The following ELAPOR1 variants were observed in gnomAD, a reference collection of about 807,000 sequenced individuals.
ELAPOR1 encodes endosome/lysosome-associated apoptosis and autophagy regulator 1.
A neutral mutation model predicts 119.7 loss-of-function variants in ELAPOR1; 77 were observed. The observed-to-expected ratio is 0.64, with a 90% confidence interval of 0.54 to 0.78. The LOEUF is 0.78. Ranked by LOEUF, ELAPOR1 falls within the 30% of genes least tolerant of loss-of-function variation. The pLI is 0.00. For missense variants in ELAPOR1, 1,115 were observed against 1,270.4 expected (o/e 0.88, Z 1.86); for synonymous variants, 481 against 487.2 (o/e 0.99, Z 0.17).
At chr1:109,201,037 TCTGAAAATC>T (rs1223883460) in intron 21 of ELAPOR1, 137 bp downstream of exon 21, 4 of 844,516 alleles carry the variant, frequency 4.7e-6, no homozygotes, top group Non-Finnish European at 7.2e-6. Context: ...ATTTCCCCAC[TCTGAAAATC>T]CTGCCTTCTC....
intron 3 of ELAPOR1, among the ~76,000 whole-genome samples, chr1:109,165,601 G>GAAAAAC (rs1428389194): frequency 6.9e-6 from 1 of 145,578 alleles, no homozygotes; most frequent in Non-Finnish European, 1.5e-5. Context: ...AAAAAAAAAA[G>GAAAAAC]AAAAACAAAA....
In ELAPOR1 at chr1:109,204,801, G is replaced by A. The variant is rs1654393270; in HGVS notation, c.*1789G>A. 1 of 152,286 alleles carries A rather than the reference G, an allele frequency of 6.6e-6. No individual in the cohort carries two copies. The highest frequency in any genetic ancestry group is 1.5e-5 in the Non-Finnish European group (1 of 68,098). 9.4% of individuals were successfully genotyped at this position (152,286 alleles called of 1,614,324 possible). A position where few individuals can be genotyped will look rare whatever the true frequency, so the allele number is the denominator to read the frequency against. ...AGATTTTCACTGGGCCCAGCATGGT[G>A]GCTCACACCTGTAATCCCAAGGCAG... is the stretch of plus-strand genomic sequence containing the variant. On this transcript the variant is annotated 3_prime_UTR_variant, in exon 22 of 22. Coordinates refer to ENST00000369939, the MANE Select transcript of ELAPOR1 (RefSeq NM_020775.5).
intron 16 of ELAPOR1, 112 bp from the exon 17 acceptor site, chr1:109,197,867 C>A (rs1653925877): frequency 9.3e-7 from 1 of 1,073,170 alleles, no homozygotes; most frequent in East Asian, 2.4e-5. Context: ...ATAAGCCACT[C>A]AGGGATGTGA....
intron 7 of ELAPOR1, among the ~76,000 whole-genome samples, chr1:109,183,079 T>A (rs1215633072): frequency 6.6e-6 from 1 of 152,098 alleles, no homozygotes; most frequent in East Asian, 1.9e-4. Context: ...CTAGAAAACT[T>A]TCAAAAAGTT....
intron 3 of ELAPOR1, among the ~76,000 whole-genome samples, chr1:109,167,766 C>T (rs1651684159): frequency 6.6e-6 from 1 of 152,174 alleles, no homozygotes; most frequent in Non-Finnish European, 1.5e-5. Context: ...CATGCCACCA[C>T]ACCTGGCTAA....
intron 1 of ELAPOR1, among the ~76,000 whole-genome samples, chr1:109,155,073 G>A (rs756364054): frequency 6.6e-6 from 1 of 152,134 alleles, no homozygotes; most frequent in Admixed American, 6.5e-5. Flanking sequence ...ACACATAAAA[G>A]CTCTAGAAAT....
intron 1 of ELAPOR1, among the ~76,000 whole-genome samples, chr1:109,145,343 A>T (rs1301494931): frequency 6.6e-6 from 1 of 152,152 alleles, no homozygotes; most frequent in African/African-American, 2.4e-5. Context: ...AGTAGCACAG[A>T]CAGACTAAGA....
chr1:109,170,783 G>A (rs2101056144), intron 3 of ELAPOR1, among the ~76,000 whole-genome samples: 1 of 152,334 alleles, frequency 6.6e-6, no homozygotes, highest in Non-Finnish European at 1.5e-5. Context: ...GAGGATGTGG[G>A]ACTGGCTTCA....
chr1:109,186,870 T>C, intron 8 of ELAPOR1: 1 of 985,542 alleles, frequency 1.0e-6, no homozygotes. Flanking sequence ...TGCCTTGGCC[T>C]GACCACTGCC....
chr1:109,171,649 C>T (rs1473551612), intron 3 of ELAPOR1, among the ~76,000 whole-genome samples: 1 of 152,216 alleles, frequency 6.6e-6, no homozygotes, highest in Non-Finnish European at 1.5e-5. Flanking sequence ...TTTTCCTCAC[C>T]TGTCTGCCTT....
intron 7 of ELAPOR1, among the ~76,000 whole-genome samples, chr1:109,184,249 T>C (rs1652918380): frequency 6.6e-6 from 1 of 152,006 alleles, no homozygotes; most frequent in Non-Finnish European, 1.5e-5. Context: ...CTCATGCCTG[T>C]AATTCCAGCT....
chr1:109,117,124 G>T (rs1455791417), intron 1 of ELAPOR1, among the ~76,000 whole-genome samples: 1 of 152,202 alleles, frequency 6.6e-6, no homozygotes, highest in Non-Finnish European at 1.5e-5. Context: ...GAAAGCTGAG[G>T]CATCCCTCTG....
Position 109,197,672 on chromosome 1 carries a change from C to T in ELAPOR1, c.2302+18C>T, listed in dbSNP as rs374915210. 1.9e-6 allele frequency: 3 copies of T among 1,582,640 alleles called. No homozygotes were observed. Among genetic ancestry groups the T allele is most frequent in the Non-Finnish European group, 2.6e-6 (3 of 1,164,346 alleles). On this transcript the variant is annotated intron_variant, in intron 16 of 21. Coordinates refer to ENST00000369939, the MANE Select transcript of ELAPOR1 (RefSeq NM_020775.5). Reference sequence around the variant, plus strand: ...ACTTATTGGTGAGTAACTCCGCTGCCTCAGCCTTGTTTGAGAGTGTGTGTG... The same window carrying T: ...ACTTATTGGTGAGTAACTCCGCTGCTTCAGCCTTGTTTGAGAGTGTGTGTG...
intron 9 of ELAPOR1, 62 bp from the exon 10 acceptor site, chr1:109,189,004 C>A: frequency 6.3e-7 from 1 of 1,591,304 alleles, no homozygotes; most frequent in Non-Finnish European, 8.6e-7. Flanking sequence ...GTGGCAGCAG[C>A]TCCAGTCAGA....
rs776261039 is a variant in ELAPOR1, at chr1:109,192,697, C to T, written c.1770C>T (p.Pro590=). Residue 590 remains proline, a synonymous_variant, in exon 14 of 22, where the codon CCC becomes CCT. Coordinates refer to ENST00000369939, the MANE Select transcript of ELAPOR1 (RefSeq NM_020775.5). The stretch of plus-strand genomic sequence containing the variant: ...ATGGTGTGGCCTCCTACTGCCGTCC[C>T]TGTGCCCTAGAAGCCTCTGATGTGG... ...VMNGVASYCR[P]CALEASDVGS... The T allele has an allele frequency of 7.4e-6, 12 of 1,614,148 alleles. No individual in the cohort carries two copies. In the South Asian group the frequency reaches 1.2e-4, roughly 16 times the overall value.
intron 3 of ELAPOR1, among the ~76,000 whole-genome samples, chr1:109,166,209 CA>C (rs1482302713): frequency 6.6e-6 from 1 of 152,052 alleles, no homozygotes; most frequent in East Asian, 1.9e-4. Context: ...CCACCGCACC[CA>C]GCTAATTTTT....
rs936618675 is a variant in ELAPOR1, at chr1:109,191,222, A to G, written c.1440-144A>G. ...GCTAGGTCAAGGTCACATAGCTAGG[A>G]GGGCAGAATTGGATTTAGTCCACAC... On this transcript the variant is annotated intron_variant, in intron 11 of 21. Transcript: ENST00000369939. 6.9e-6 allele frequency: 4 copies of G among 583,722 alleles called. No individual in the cohort carries two copies. In the East Asian group the frequency reaches 1.1e-4, roughly 17 times the overall value. The allele number at this position is 583,722 out of a possible 1,614,324, so 36.2% of individuals were successfully genotyped here.
Position 109,200,228 on chromosome 1 carries a change from AG to A in ELAPOR1, c.2799del (p.Asn934IlefsTer4). On this transcript the variant is annotated frameshift_variant, in exon 20 of 22. Transcript: ENST00000369939. LOFTEE classifies it high-confidence loss of function. ...LTVLTCYFWK[K>X]NQKLEYKYSK... ...GTCTTGACCTGCTACTTTTGGAAAAAGAATCAAAAGTACATGTTGCGGTATT... is the reference window on the plus strand; with the variant it reads ...GTCTTGACCTGCTACTTTTGGAAAAAAATCAAAAGTACATGTTGCGGTATT... 1 of 1,614,044 alleles carries A rather than the reference AG, an allele frequency of 6.2e-7. No homozygotes were observed. The highest frequency in any genetic ancestry group is 8.5e-7 in the Non-Finnish European group (1 of 1,179,930).
At chr1:109,176,666 A>C (rs1251482408) in intron 7 of ELAPOR1, among the ~76,000 whole-genome samples, 2 of 140,660 alleles carry the variant, frequency 1.4e-5, no homozygotes, top group African/African-American at 2.7e-5. Flanking sequence ...GGGATTTGGC[A>C]GGGTCACAGG....
Sources: allele counts gnomAD v4.1 joint callset (sites outside exome capture counted in the v4.1 genomes callset), GRCh38; gene constraint gnomAD v4.1.1; transcripts MANE v1.5; gene names NCBI Gene and HGNC (gene_info 2026-07-23, HGNC 2026-07-21).